PRTG: variants seen among roughly 807,000 people sequenced by gnomAD.
PRTG encodes the protein immunoglobulin superfamily, DCC subclass, member 5.
In PRTG, 67 loss-of-function variants were observed where a neutral mutation model predicts 122.5. That is an observed-to-expected ratio of 0.55 (90% CI 0.45 to 0.67). The LOEUF (loss-of-function observed/expected upper bound fraction) is 0.67, where lower values mean the gene tolerates loss of function less well. Among genes scored for constraint, PRTG ranks in the 30% least tolerant of loss-of-function variants. The pLI is 0.00. For synonymous variants in PRTG, 554 were observed against 501.1 expected, an observed-to-expected ratio of 1.11 and a Z score of -1.41; for missense variants, 1,435 against 1,415.4, an observed-to-expected ratio of 1.01 and a Z score of -0.22.
intron 2 of PRTG, among the ~76,000 whole-genome samples, chr15:55,737,275 C>A (rs778778748): frequency 6.6e-6 from 1 of 152,218 alleles, no homozygotes; most frequent in Non-Finnish European, 1.5e-5. Context: ...GCCGCTAACA[C>A]GGCTATTAAT....
intron 19 of PRTG, 59 bp from the exon 20 acceptor site, chr15:55,620,325 A>G: frequency 6.3e-7 from 1 of 1,583,818 alleles, no homozygotes; most frequent in Non-Finnish European, 8.6e-7. Context: ...CCACGAGCAA[A>G]AGCTCATCAG....
At chr15:55,631,618 C>T (rs967493045) in intron 15 of PRTG, among the ~76,000 whole-genome samples, 1 of 152,198 alleles carries the variant, frequency 6.6e-6, no homozygotes, top group South Asian at 2.1e-4. Context: ...TGATTATTTC[C>T]GTCTCCTGCC....
chr15:55,731,856 T>C (rs2031245541), intron 2 of PRTG, among the ~76,000 whole-genome samples: 1 of 152,232 alleles, frequency 6.6e-6, no homozygotes, highest in African/African-American at 2.4e-5. Context: ...CAGTCTTGCA[T>C]TACTTAATGA....
chr15:55,738,017 TATATATATACAC>T lies in PRTG; in HGVS notation c.397+2353_397+2364del, dbSNP rs1257518545. Among the ~76,000 whole-genome samples, 4 of 114,832 alleles carry T rather than the reference TATATATATACAC, an allele frequency of 3.5e-5. No individual in the cohort carries two copies. In the South Asian group the frequency reaches 1.1e-3, roughly 31 times the overall value. 75.3% of individuals were successfully genotyped at this position (114,832 alleles called of 152,430 possible). ...CTCTCTCTCTCTATATATATATATA[TATATATATACAC>T]ACACACACACACACACACACACCAC... On this transcript the variant is annotated intron_variant, in intron 2 of 19. Transcript: ENST00000389286.
chr15:55,612,697 A>ATATATATATATATGT lies in PRTG; in HGVS notation c.*7314_*7315insACATATATATATATA. The ATATATATATATATGT allele has an allele frequency of 8.3e-6, 1 of 120,756 alleles. No individual in the cohort carries two copies. The highest frequency in any genetic ancestry group is 4.7e-5 in the African/African-American group (1 of 21,396). 7.5% of individuals were successfully genotyped at this position (120,756 alleles called of 1,614,324 possible). A position where few individuals can be genotyped will look rare whatever the true frequency, so the allele number is the denominator to read the frequency against. ...TTCTCTCTTTAACTCTTTAAAAGCC[A>ATATATATATATATGT]ATATATATATATATATATATATATA... On this transcript the variant is annotated 3_prime_UTR_variant, in exon 20 of 20. Transcript: ENST00000389286.
chr15:55,612,524 A>C lies in PRTG; in HGVS notation c.*7488T>G, dbSNP rs1317228631. On this transcript the variant is annotated 3_prime_UTR_variant, in exon 20 of 20. Transcript: ENST00000389286. ...CTCGAATAAACCAGAATCAGGTGCC[A>C]GTATGTGTTGCCCTATATAAAATGC... 1.3e-5 allele frequency: 2 copies of C among 151,764 alleles called. No individual in the cohort carries two copies. Among genetic ancestry groups the C allele is most frequent in the African/African-American group, 4.8e-5 (2 of 41,260 alleles). 9.4% of individuals were successfully genotyped at this position (151,764 alleles called of 1,614,324 possible). A position where few individuals can be genotyped will look rare whatever the true frequency, so the allele number is the denominator to read the frequency against.
intron 4 of PRTG, 104 bp downstream of exon 4, chr15:55,682,260 T>G (rs1275876443): frequency 5.1e-6 from 5 of 971,962 alleles, no homozygotes; most frequent in Non-Finnish European, 7.0e-6. Context: ...TATAATAATT[T>G]AAATGAAATT....
intron 2 of PRTG, among the ~76,000 whole-genome samples, chr15:55,690,076 G>A (rs1477718899): frequency 6.6e-6 from 1 of 152,122 alleles, no homozygotes; most frequent in Non-Finnish European, 1.5e-5. Flanking sequence ...TAACTGACAC[G>A]AAGGAGTTAA....
intron 1 of PRTG, among the ~76,000 whole-genome samples, chr15:55,741,321 T>C (rs551579482): frequency 6.6e-6 from 1 of 152,242 alleles, no homozygotes; most frequent in South Asian, 2.1e-4. Flanking sequence ...GAAAAGTTGG[T>C]AACTCTTGCT....
chr15:55,656,377 C>CTT (rs2059380272), intron 11 of PRTG: 1 of 454,012 alleles, frequency 2.2e-6, no homozygotes. Flanking sequence ...GACAAGAATA[C>CTT]TACAAAGGTT....
chr15:55,738,755 G>C (rs1595689356), intron 2 of PRTG: 1 of 320,104 alleles, frequency 3.1e-6, no homozygotes, highest in African/African-American at 2.2e-5. Flanking sequence ...GGCAGAGGGA[G>C]GGAAGAGACA....
Position 55,682,424 on chromosome 15 carries a change from T to C in PRTG, c.616A>G (p.Ile206Val), listed in dbSNP as rs1452026861. 1 of 1,606,488 alleles carries C rather than the reference T, an allele frequency of 6.2e-7. No homozygotes were observed. The highest frequency in any genetic ancestry group is 8.5e-7 in the Non-Finnish European group (1 of 1,175,622). The change falls in exon 4 of 20, where the codon ATT becomes GTT. Residue 206 changes from isoleucine to valine, a missense_variant. Transcript: ENST00000389286. Reference protein sequence around the residue: ...SQRDSGNYRCIAATVAHRRKS... With the variant: ...SQRDSGNYRCVAATVAHRRKS... Reference sequence around the variant, plus strand: ...CGTCGGTGGGCTACAGTGGCAGCAATACAACGATAATTTCCAGAATCCCTT... The same window carrying C: ...CGTCGGTGGGCTACAGTGGCAGCAACACAACGATAATTTCCAGAATCCCTT...
At chr15:55,664,878 C>T (rs554308299) in intron 11 of PRTG, among the ~76,000 whole-genome samples, 1 of 152,212 alleles carries the variant, frequency 6.6e-6, no homozygotes, top group Non-Finnish European at 1.5e-5. Flanking sequence ...TGAGCCACTG[C>T]ACCTGGCAGA....
intron 7 of PRTG, 29 bp downstream of exon 7, chr15:55,679,257 T>C (rs1351273024): frequency 2.0e-6 from 3 of 1,511,630 alleles, no homozygotes; most frequent in East Asian, 2.3e-5. Flanking sequence ...ATATCATATA[T>C]AAAATGGTAG....
At chr15:55,732,525 G>C (rs1223276478) in intron 2 of PRTG, among the ~76,000 whole-genome samples, 4 of 131,848 alleles carry the variant, frequency 3.0e-5, no homozygotes, top group Non-Finnish European at 4.7e-5. Context: ...ACGGAGTTTC[G>C]CTCTTGCTGC....
At chr15:55,704,555 C>T (rs1567107565) in intron 2 of PRTG, among the ~76,000 whole-genome samples, 1 of 152,070 alleles carries the variant, frequency 6.6e-6, no homozygotes, top group Non-Finnish European at 1.5e-5. Context: ...ATTGCTTTAT[C>T]AAATCATAAA....
chr15:55,636,908 A>G (rs2059260627), intron 15 of PRTG, among the ~76,000 whole-genome samples: 1 of 152,146 alleles, frequency 6.6e-6, no homozygotes, highest in South Asian at 2.1e-4. Flanking sequence ...CGGCCTCACA[A>G]AGTGCTGAGA....
intron 2 of PRTG, among the ~76,000 whole-genome samples, chr15:55,725,115 C>T (rs1213105780): frequency 3.9e-5 from 6 of 152,136 alleles, no homozygotes; most frequent in Non-Finnish European, 7.4e-5. Context: ...ATCTATATCA[C>T]TATCTATACA....
intron 16 of PRTG, 91 bp from the exon 17 acceptor site, chr15:55,627,219 CT>C: frequency 1.2e-6 from 1 of 864,004 alleles, no homozygotes; most frequent in Non-Finnish European, 1.6e-6. Context: ...CAAAATTTTT[CT>C]TTATCTCATA....
Sources: allele counts gnomAD v4.1 joint callset (sites outside exome capture counted in the v4.1 genomes callset), GRCh38; gene constraint gnomAD v4.1.1; transcripts MANE v1.5; gene names NCBI Gene and HGNC (gene_info 2026-07-23, HGNC 2026-07-21).